The following FLI1 variants were observed in gnomAD, a reference collection of about 807,000 sequenced individuals.
The protein encoded by FLI1 is Fli-1 proto-oncogene, ETS transcription factor, also known as Friend leukemia integration 1 transcription factor.
A neutral mutation model predicts 53.1 loss-of-function variants in FLI1; 13 were observed. That is an observed-to-expected ratio of 0.24 (90% CI 0.16 to 0.39). The LOEUF is 0.39. FLI1 is among the 10% of genes least tolerant of loss of function. The pLI, the probability that FLI1 is intolerant of heterozygous loss-of-function variation, is 1.00. For missense variants in FLI1, 424 were observed against 600.5 expected, an observed-to-expected ratio of 0.71 and a Z score of 3.07; for synonymous variants, 244 against 236.7, an observed-to-expected ratio of 1.03 and a Z score of -0.28.
At chr11:128,786,909 G>A (rs1011708008) in intron 5 of FLI1, among the ~76,000 whole-genome samples, 1 of 152,190 alleles carries the variant, frequency 6.6e-6, no homozygotes, top group Non-Finnish European at 1.5e-5. Flanking sequence ...GGAGCACTGA[G>A]CTTCTAGCCC....
Position 128,757,044 on chromosome 11 carries a change from T to TTTTCTTTCTTTCTTTCTTTC in FLI1, c.19-1021_19-1002dup, listed in dbSNP as rs147249846. Among the ~76,000 whole-genome samples, 326 of 107,104 alleles carry TTTTCTTTCTTTCTTTCTTTC rather than the reference T, an allele frequency of 3.0e-3. 2 individuals carry two copies. The highest frequency in any genetic ancestry group is 8.7e-3 in the Middle Eastern group (2 of 230). The allele number at this position is 107,104 out of a possible 152,430, so 70.3% of individuals were successfully genotyped here. On this transcript the variant is annotated intron_variant, in intron 1 of 8. Transcript: ENST00000527786. ...CACATGCCACCATATCTAGCTAATT[T>TTTTCTTTCTTTCTTTCTTTC]TTTCTTTCTTTCTTTCTTTCTTTCT... is the stretch of plus-strand genomic sequence containing the variant.
chr11:128,758,019 G>A, intron 1 of FLI1, 96 bp from the exon 2 acceptor site: 2 of 1,075,456 alleles, frequency 1.9e-6, no homozygotes, highest in Non-Finnish European at 2.7e-6. Flanking sequence ...GCTGTCCTGG[G>A]GCAGCCCTGG....
rs539359869 is a variant in FLI1 at position 128,769,853 on chromosome 11, G to A, written c.385+1581G>A. ...TAGTAATGTTTAGCCCAGGTGTATC[G>A]TCTCCCTCCTCACTGAAAGCAGACA... On this transcript the variant is annotated intron_variant, in intron 3 of 8. Coordinates refer to ENST00000527786, the MANE Select transcript of FLI1 (RefSeq NM_002017.5). Among the ~76,000 whole-genome samples the A allele has an allele frequency of 5.9e-5, 9 of 152,254 alleles. No individual in the cohort carries two copies. The South Asian group carries it at 8.3e-4, about 14-fold the overall frequency.
At chr11:128,734,633 G>A (rs1939841002) in intron 1 of FLI1, among the ~76,000 whole-genome samples, 3 of 152,180 alleles carry the variant, frequency 2.0e-5, no homozygotes, top group Admixed American at 6.5e-5. Flanking sequence ...TGCTCTTGGT[G>A]GCCAGTTTCA....
At chr11:128,746,113 C>A (rs1454275370) in intron 1 of FLI1, among the ~76,000 whole-genome samples, 1 of 152,146 alleles carries the variant, frequency 6.6e-6, no homozygotes, top group Non-Finnish European at 1.5e-5. Context: ...AAGGGGTAGT[C>A]TGGCTGGTGT....
intron 5 of FLI1, among the ~76,000 whole-genome samples, chr11:128,802,392 A>T (rs1268170458): frequency 6.6e-6 from 1 of 152,204 alleles, no homozygotes. Context: ...AAGATTTTCC[A>T]TGCAAATACT....
rs373212811 is a variant in FLI1 at position 128,775,174 on chromosome 11, C to T, written c.589+2189C>T. On this transcript the variant is annotated intron_variant, in intron 4 of 8. Coordinates refer to ENST00000527786, the MANE Select transcript of FLI1 (RefSeq NM_002017.5). ...AGATATCCAGAGTGGAGGATGGTGG[C>T]GAACAGTAGTACATCCACAAGATGG... Among the ~76,000 whole-genome samples the T allele has an allele frequency of 2.2e-4, 34 of 151,866 alleles. 1 individual carries two copies. The East Asian group carries it at 3.9e-3, about 17-fold the overall frequency.
chr11:128,804,305 G>A (rs554652930), intron 5 of FLI1: 7 of 152,262 alleles, frequency 4.6e-5, no homozygotes, highest in South Asian at 4.2e-4. Context: ...CCATTTGTTC[G>A]GATGGTTTTT....
At chr11:128,771,038 T>C (rs1174939346) in intron 3 of FLI1, among the ~76,000 whole-genome samples, 1 of 152,202 alleles carries the variant, frequency 6.6e-6, no homozygotes, top group Non-Finnish European at 1.5e-5. Context: ...ATGGTTTCTA[T>C]TGGAACCCCA....
In FLI1 at chr11:128,809,221, C is replaced by T. The variant is rs1055398146; in HGVS notation, c.829+17C>T. 2 of 1,612,146 alleles carry T rather than the reference C, an allele frequency of 1.2e-6. No homozygotes were observed. Among genetic ancestry groups the T allele is most frequent in the African/African-American group, 1.3e-5 (1 of 74,906 alleles). On this transcript the variant is annotated intron_variant, in intron 8 of 8. Transcript: ENST00000527786. Reference sequence around the variant, plus strand: ...CCAACCCTGGTGAGTTTACCTTGGCCTGCAAGCCTTTTTTGCCAGAATGTT... The same window carrying T: ...CCAACCCTGGTGAGTTTACCTTGGCTTGCAAGCCTTTTTTGCCAGAATGTT...
intron 4 of FLI1, among the ~76,000 whole-genome samples, chr11:128,778,576 C>A (rs1276990485): frequency 6.6e-6 from 1 of 152,188 alleles, no homozygotes; most frequent in Non-Finnish European, 1.5e-5. Flanking sequence ...TTGCTCCTTT[C>A]ATCTGTAAAA....
chr11:128,703,960 G>A (rs569238922), intron 1 of FLI1, among the ~76,000 whole-genome samples: 14 of 151,554 alleles, frequency 9.2e-5, no homozygotes, highest in Middle Eastern at 3.4e-3. Context: ...TTTAAGATTC[G>A]AAATTGAGGT....
upstream of FLI1, among the ~76,000 whole-genome samples, chr11:128,688,988 T>C (rs1478082053): frequency 6.6e-6 from 1 of 152,110 alleles, no homozygotes. Flanking sequence ...CCAAGATACA[T>C]AGAGTAATGA....
intron 1 of FLI1, among the ~76,000 whole-genome samples, chr11:128,736,942 T>C (rs1005048727): frequency 1.3e-5 from 2 of 152,176 alleles, no homozygotes; most frequent in Admixed American, 6.5e-5. Context: ...GTTTGCATTC[T>C]TCCCAAAGGA....
intron 1 of FLI1, among the ~76,000 whole-genome samples, chr11:128,730,198 A>T (rs996097080): frequency 6.6e-6 from 1 of 152,212 alleles, no homozygotes; most frequent in African/African-American, 2.4e-5. Context: ...TTAAGTGTGT[A>T]CTGTGTTAAA....
intron 1 of FLI1, among the ~76,000 whole-genome samples, chr11:128,720,779 CA>C (rs1463699906): frequency 2.0e-5 from 3 of 152,232 alleles, no homozygotes; most frequent in Non-Finnish European, 4.4e-5. Flanking sequence ...CCCGCGTCTC[CA>C]AGCAGCTGCC....
At chr11:128,775,187 A>C (rs7118104) in intron 4 of FLI1, among the ~76,000 whole-genome samples, 3,085 of 152,260 alleles carry the variant, frequency 0.02, 90 homozygotes, top group African/African-American at 0.068. Context: ...ACAGTAGTAC[A>C]TCCACAAGAT....
At chr11:128,775,675 T>C (rs1280405550) in intron 4 of FLI1, among the ~76,000 whole-genome samples, 1 of 152,208 alleles carries the variant, frequency 6.6e-6, no homozygotes, top group Non-Finnish European at 1.5e-5. Context: ...CAGACTGACT[T>C]CCAGTGGATG....
At chr11:128,723,260 G>A (rs1047213749) in intron 1 of FLI1, among the ~76,000 whole-genome samples, 1 of 152,162 alleles carries the variant, frequency 6.6e-6, no homozygotes, top group Non-Finnish European at 1.5e-5. Context: ...AAAGAGAAGA[G>A]AGGAGCAAGT....
Sources: gnomAD v4.1 joint callset for allele counts (sites outside exome capture counted in the v4.1 genomes callset) on GRCh38, gnomAD v4.1.1 for gene constraint, MANE v1.5 for transcripts, NCBI Gene and HGNC (gene_info 2026-07-23, HGNC 2026-07-21) for gene names.